The following DIAPH3 variants were observed in gnomAD, a reference collection of about 807,000 sequenced individuals.
The protein encoded by DIAPH3 is protein diaphanous homolog 3.
Under a neutral mutation model 144.3 loss-of-function variants are expected in DIAPH3, and 117 were observed. The observed-to-expected ratio is 0.81, with a 90% CI of 0.70 to 0.95. DIAPH3 has a LOEUF of 0.95. Ranked by LOEUF, DIAPH3 falls within the 40% of genes least tolerant of loss-of-function variation. The pLI is 0.00. For missense variants in DIAPH3, 1,421 were observed against 1,412.7 expected (o/e 1.01, Z -0.09); for synonymous variants, 519 against 488.9 (o/e 1.06, Z -0.81).
chr13:59,799,915 T>C (rs1002755966), intron 25 of DIAPH3, among the ~76,000 whole-genome samples: 4 of 152,202 alleles, frequency 2.6e-5, no homozygotes, highest in Admixed American at 6.5e-5. Flanking sequence ...AAAATGACTA[T>C]AGTAAATGTT....
At chr13:59,687,405 T>C (rs375520433) in intron 27 of DIAPH3, among the ~76,000 whole-genome samples, 110 of 152,242 alleles carry the variant, frequency 7.2e-4, no homozygotes, top group African/African-American at 2.2e-3. Context: ...TTATAGCTGA[T>C]AAAACTTTTG....
intron 4 of DIAPH3, among the ~76,000 whole-genome samples, chr13:60,054,638 A>G (rs989534866): frequency 1.3e-5 from 2 of 152,078 alleles, no homozygotes; most frequent in Admixed American, 1.3e-4. Context: ...AATAGTTTGC[A>G]CTGGTAGGGA....
intron 2 of DIAPH3, among the ~76,000 whole-genome samples, chr13:60,113,550 C>A (rs555478682): frequency 6.6e-6 from 1 of 152,114 alleles, no homozygotes; most frequent in Non-Finnish European, 1.5e-5. Flanking sequence ...ACTAAGAATA[C>A]GACAGCTTTC....
chr13:59,964,503 A>T (rs2049945914), intron 17 of DIAPH3, among the ~76,000 whole-genome samples: 1 of 152,058 alleles, frequency 6.6e-6, no homozygotes, highest in Non-Finnish European at 1.5e-5. Context: ...GTTACAATGC[A>T]TAAATTTCTA....
intron 1 of DIAPH3, among the ~76,000 whole-genome samples, chr13:60,139,981 A>C (rs1175420730): frequency 6.6e-6 from 1 of 152,190 alleles, no homozygotes; most frequent in African/African-American, 2.4e-5. Context: ...GGTTATGGGA[A>C]TCCAAGACCT....
chr13:60,078,876 A>G (rs1429167365), intron 4 of DIAPH3, among the ~76,000 whole-genome samples: 1 of 152,050 alleles, frequency 6.6e-6, no homozygotes, highest in Non-Finnish European at 1.5e-5. Flanking sequence ...CCTAAAATAC[A>G]GGTGTTAAAC....
chr13:59,916,154 C>T lies in DIAPH3; in HGVS notation c.2265+1G>A. Reference sequence around the variant, plus strand: ...AATTTAAGCTGTGCCTGTTTGTTTACCTGAATCATAGACTCTGCCAACCGT... The same window carrying T: ...AATTTAAGCTGTGCCTGTTTGTTTATCTGAATCATAGACTCTGCCAACCGT... On this transcript the variant is annotated splice_donor_variant, in intron 19 of 27. Coordinates refer to ENST00000400324, the MANE Select transcript of DIAPH3 (RefSeq NM_001042517.2). LOFTEE classifies it high-confidence loss of function. 3 of 1,611,440 alleles carry T rather than the reference C, an allele frequency of 1.9e-6. No homozygotes were observed. The highest frequency in any genetic ancestry group is 2.5e-6 in the Non-Finnish European group (3 of 1,177,946).
intron 2 of DIAPH3, among the ~76,000 whole-genome samples, chr13:60,121,664 G>A (rs978881571): frequency 2.6e-5 from 4 of 152,166 alleles, no homozygotes; most frequent in Non-Finnish European, 4.4e-5. Flanking sequence ...GACAGACTTC[G>A]AGTTCCAAAG....
rs754933093 is a variant in DIAPH3 at position 59,810,773 on chromosome 13, T to C, written c.3163+15A>G. ...AAGTATACATAGAATAAATAACAAATTTGATAGTACTCACCAGTCTTCATT... is the reference window on the plus strand; with the variant it reads ...AAGTATACATAGAATAAATAACAAACTTGATAGTACTCACCAGTCTTCATT... On this transcript the variant is annotated intron_variant, in intron 25 of 27. Transcript: ENST00000400324. 2 of 1,611,824 alleles carry C rather than the reference T, an allele frequency of 1.2e-6. No homozygotes were observed. The highest frequency in any genetic ancestry group is 2.2e-5 in the South Asian group (2 of 90,572).
At chr13:59,960,819 T>C (rs2049714336) in intron 17 of DIAPH3, among the ~76,000 whole-genome samples, 3 of 151,850 alleles carry the variant, frequency 2.0e-5, no homozygotes. Flanking sequence ...CAAATATTAT[T>C]AGGCCCCAGT....
At chr13:59,853,954 T>G (rs1471364808) in intron 22 of DIAPH3, among the ~76,000 whole-genome samples, 1 of 152,130 alleles carries the variant, frequency 6.6e-6, no homozygotes, top group Non-Finnish European at 1.5e-5. Flanking sequence ...GGGTGAGTAG[T>G]GCCCCCCAAA....
At chr13:60,100,792 G>A (rs1322221630) in intron 3 of DIAPH3, among the ~76,000 whole-genome samples, 1 of 151,492 alleles carries the variant, frequency 6.6e-6, no homozygotes, top group Non-Finnish European at 1.5e-5. Context: ...AAAAAAAGAA[G>A]TTTTTTTATA....
chr13:59,898,228 A>C (rs941982497), intron 20 of DIAPH3, among the ~76,000 whole-genome samples: 5 of 152,040 alleles, frequency 3.3e-5, no homozygotes, highest in African/African-American at 4.8e-5. Flanking sequence ...TATCCACTAT[A>C]CACTACACAC....
rs60853102 is a variant in DIAPH3 at position 60,105,099 on chromosome 13, C to CAAAAAAAAA, written c.390+6902_390+6910dup. Among the ~76,000 whole-genome samples, 114 of 41,696 alleles carry CAAAAAAAAA rather than the reference C, an allele frequency of 2.7e-3. 3 individuals carry two copies. The highest frequency in any genetic ancestry group is 3.2e-3 in the Admixed American group (11 of 3,452). 27.4% of individuals were successfully genotyped at this position (41,696 alleles called of 152,430 possible). ...TGGGCGACAAAGTGAGACACGATCT[C>CAAAAAAAAA]AAAAAAAAAAAAAAAAAAAAAAAAA... On this transcript the variant is annotated intron_variant, in intron 3 of 27. Coordinates refer to ENST00000400324, the MANE Select transcript of DIAPH3 (RefSeq NM_001042517.2).
At chr13:59,791,229 C>A (rs1229250163) in intron 25 of DIAPH3, among the ~76,000 whole-genome samples, 1 of 152,138 alleles carries the variant, frequency 6.6e-6, no homozygotes, top group African/African-American at 2.4e-5. Flanking sequence ...CTCAGCCTAC[C>A]AAAGTGTTGG....
intron 20 of DIAPH3, among the ~76,000 whole-genome samples, chr13:59,883,783 CTA>C (rs1160171191): frequency 1.8e-5 from 2 of 108,680 alleles, no homozygotes; most frequent in East Asian, 3.9e-4. Context: ...GCTTCCTCTG[CTA>C]TGTTTTCTAG....
intron 4 of DIAPH3, among the ~76,000 whole-genome samples, chr13:60,069,536 C>T (rs976620366): frequency 6.6e-6 from 1 of 152,076 alleles, no homozygotes; most frequent in African/African-American, 2.4e-5. Flanking sequence ...GAGTCTCCAT[C>T]GTAAAATATT....
rs574228374 is a variant in DIAPH3, at chr13:59,856,498, A to G, written c.2737+4909T>C. Among the ~76,000 whole-genome samples the G allele has an allele frequency of 3.9e-5, 6 of 152,220 alleles. No individual in the cohort carries two copies. The East Asian group carries it at 1.2e-3, about 30-fold the overall frequency. On this transcript the variant is annotated intron_variant, in intron 22 of 27. Coordinates refer to ENST00000400324, the MANE Select transcript of DIAPH3 (RefSeq NM_001042517.2). Reference sequence around the variant, plus strand: ...AATGATTTGCTCCAGGCCCCTCCCCATGGCTTGCAGATGGCCACCTCCTCA... The same window carrying G: ...AATGATTTGCTCCAGGCCCCTCCCCGTGGCTTGCAGATGGCCACCTCCTCA...
At chr13:59,785,405 C>T (rs2038983999) in intron 25 of DIAPH3, among the ~76,000 whole-genome samples, 1 of 152,018 alleles carries the variant, frequency 6.6e-6, no homozygotes, top group African/African-American at 2.4e-5. Flanking sequence ...AGTGAAACTC[C>T]TGGACTTGAA....
Sources: gnomAD v4.1 joint callset for allele counts (sites outside exome capture counted in the v4.1 genomes callset) on GRCh38, gnomAD v4.1.1 for gene constraint, MANE v1.5 for transcripts, NCBI Gene and HGNC (gene_info 2026-07-23, HGNC 2026-07-21) for gene names.